The following NOS1 variants were observed in gnomAD, a reference collection of about 807,000 sequenced individuals.
The protein encoded by NOS1 is nitric oxide synthase 1, also known as NOS type I.
Under a neutral mutation model 164.5 loss-of-function variants are expected in NOS1, and 51 were observed. The ratio of observed to expected loss-of-function variants is 0.31; its 90% CI spans 0.25 to 0.39. NOS1 has a LOEUF of 0.39. Ranked by LOEUF, NOS1 falls within the 10% of genes least tolerant of loss-of-function variation. The pLI is 1.00. For missense variants in NOS1, 1,362 were observed against 1,885.6 expected, an observed-to-expected ratio of 0.72 and a Z score of 5.14; for synonymous variants, 719 against 745.8, an observed-to-expected ratio of 0.96 and a Z score of 0.59.
At chr12:117,237,266 G>C (rs531724782) in intron 20 of NOS1, among the ~76,000 whole-genome samples, 66 of 152,064 alleles carry the variant, frequency 4.3e-4, no homozygotes, top group African/African-American at 1.6e-3. Flanking sequence ...CGAGTAGCTG[G>C]GATTACAGTA....
Position 117,215,025 on chromosome 12 carries a change from A to G in NOS1, c.*284T>C. 22 of 1,179,194 alleles carry G rather than the reference A, an allele frequency of 1.9e-5. No homozygotes were observed. Among genetic ancestry groups the G allele is most frequent in the Non-Finnish European group, 2.3e-5 (22 of 954,824 alleles). 73.0% of individuals were successfully genotyped at this position (1,179,194 alleles called of 1,614,324 possible). Reference sequence around the variant, plus strand: ...GCGACGGCCATGTTCCAGTGGTTTCATGCACCCGTGAGTTGCCCTTGTCGG... The same window carrying G: ...GCGACGGCCATGTTCCAGTGGTTTCGTGCACCCGTGAGTTGCCCTTGTCGG... On this transcript the variant is annotated 3_prime_UTR_variant, in exon 29 of 29. Coordinates refer to ENST00000317775, the MANE Select transcript of NOS1 (RefSeq NM_000620.5).
chr12:117,259,700 A>T (rs1019588516), intron 14 of NOS1, among the ~76,000 whole-genome samples: 1 of 152,244 alleles, frequency 6.6e-6, no homozygotes, highest in African/African-American at 2.4e-5. Context: ...GAGATGCTCC[A>T]TGAAAACAAG....
At chr12:117,291,697 C>A (rs967222550) in intron 3 of NOS1, among the ~76,000 whole-genome samples, 2 of 152,032 alleles carry the variant, frequency 1.3e-5, no homozygotes, top group African/African-American at 4.8e-5. Flanking sequence ...CCATGCCCAG[C>A]TAATTTCTTA....
chr12:117,311,600 G>A lies in NOS1; in HGVS notation c.726-8C>T, dbSNP rs972132382. On this transcript the variant is annotated splice_region_variant and splice_polypyrimidine_tract_variant and intron_variant, in intron 2 of 28. Coordinates refer to ENST00000317775, the MANE Select transcript of NOS1 (RefSeq NM_000620.5). ...GACTTGCCGTCCAAATCTCTGAAAG[G>A]CAAGGTGGGGCAGGTGAGGAAGGGG... 6.2e-7 allele frequency: 1 copy of A among 1,607,768 alleles called. No individual in the cohort carries two copies. The highest frequency in any genetic ancestry group is 8.5e-7 in the Non-Finnish European group (1 of 1,176,618).
In NOS1 at chr12:117,322,873, T is replaced by G. The variant is rs894342565; in HGVS notation, c.725+7472A>C. Among the ~76,000 whole-genome samples the G allele has an allele frequency of 1.1e-4, 14 of 132,708 alleles. No individual in the cohort carries two copies. In the East Asian group the frequency reaches 2.4e-3, roughly 23 times the overall value. The allele number at this position is 132,708 out of a possible 152,430, so 87.1% of individuals were successfully genotyped here. A position where few individuals can be genotyped will look rare whatever the true frequency, so the allele number is the denominator to read the frequency against. ...TCCTTACTCCCTCCCTCCCTCCTTC[T>G]TTCATGCATTCTTCCTTGCCTCCCT... On this transcript the variant is annotated intron_variant, in intron 2 of 28. Transcript: ENST00000317775.
Position 117,265,495 on chromosome 12 carries a change from T to C in NOS1, c.1957A>G (p.Ile653Val), listed in dbSNP as rs746788225. Residue 653 changes from isoleucine (I) to valine (V), a missense_variant, in exon 12 of 29, where the codon ATT becomes GTT. Physicochemically the swap from Ile to Val is conservative, Grantham distance 29 (BLOSUM62 3). This residue lies in a region of NOS1 where 737 missense variants were observed against 1,030.3 expected (regional missense o/e 0.72). Coordinates refer to ENST00000317775, the MANE Select transcript of NOS1 (RefSeq NM_000620.5). ...LYSFQSDKVT[I>V]VDHHSATESF... Reference sequence around the variant, plus strand: ...TCGGTGGCGGAGTGATGGTCAACAATGGTCACTTTGTCACTCTGTGGGAGG... The same window carrying C: ...TCGGTGGCGGAGTGATGGTCAACAACGGTCACTTTGTCACTCTGTGGGAGG... The C allele has an allele frequency of 5.2e-6, 8 of 1,552,790 alleles. No homozygotes were observed. In the East Asian group the frequency reaches 1.4e-4, roughly 27 times the overall value.
At chr12:117,344,404 T>C (rs946432076) in intron 1 of NOS1, among the ~76,000 whole-genome samples, 4 of 152,252 alleles carry the variant, frequency 2.6e-5, no homozygotes, top group Non-Finnish European at 4.4e-5. Flanking sequence ...TTCAACTTAA[T>C]ATTTTGAGCA....
At chr12:117,220,009 A>T in intron 27 of NOS1, 66 bp downstream of exon 27, 1 of 1,470,038 alleles carries the variant, frequency 6.8e-7, no homozygotes, top group Non-Finnish European at 9.2e-7. Flanking sequence ...GACAGGTTGG[A>T]TGAAAAAGGG....
rs775978271 is a variant in NOS1 at position 117,340,871 on chromosome 12, C to CTTTTTTTTTTTTT, written c.-420-9383_-420-9382insAAAAAAAAAAAAA. On this transcript the variant is annotated intron_variant, in intron 1 of 28. Transcript: ENST00000317775. ...CCTGAGTAGCTGATATCACACCTGGCTATTTTTTTTTTTTTTTTTTTTTTT... is the reference window on the plus strand; with the variant it reads ...CCTGAGTAGCTGATATCACACCTGGCTTTTTTTTTTTTTTATTTTTTTTTTTTTTTTTTTTTTT... Among the ~76,000 whole-genome samples the CTTTTTTTTTTTTT allele has an allele frequency of 8.1e-4, 78 of 96,402 alleles. 1 individual carries two copies. The highest frequency in any genetic ancestry group is 1.8e-3 in the Admixed American group (17 of 9,234). The allele number at this position is 96,402 out of a possible 152,430, so 63.2% of individuals were successfully genotyped here. A position where few individuals can be genotyped will look rare whatever the true frequency, so the allele number is the denominator to read the frequency against.
rs1036336020 is a variant in NOS1 at position 117,243,971 on chromosome 12, C to T, written c.2824-536G>A. 2.0e-5 allele frequency among the ~76,000 whole-genome samples: 3 copies of T among 152,336 alleles called. No individual in the cohort carries two copies. The highest frequency in any genetic ancestry group is 3.4e-3 in the Middle Eastern group (1 of 294). On this transcript the variant is annotated intron_variant, in intron 18 of 28. Coordinates refer to ENST00000317775, the MANE Select transcript of NOS1 (RefSeq NM_000620.5). This position sits in a 1 kb window ranked among gnomAD's most constrained non-coding sequence, Gnocchi z 4.3. The stretch of plus-strand genomic sequence containing the variant: ...TTGAGTGTCTGCGATGTGCTGGACA[C>T]GTCGGATTTGACATTGACTTTAGGA...
intron 1 of NOS1, among the ~76,000 whole-genome samples, chr12:117,354,961 T>A (rs1876792477): frequency 6.6e-6 from 1 of 152,246 alleles, no homozygotes; most frequent in African/African-American, 2.4e-5. Flanking sequence ...GAATTCACAA[T>A]ATTCCTTCTT....
At position 117,258,463 on chromosome 12, in the gene NOS1, C is replaced by T. The variant is rs766774641; in HGVS notation, c.2473-8G>A. 1 of 1,613,842 alleles carries T rather than the reference C, an allele frequency of 6.2e-7. No individual in the cohort carries two copies. The highest frequency in any genetic ancestry group is 8.5e-7 in the Non-Finnish European group (1 of 1,179,902). The stretch of plus-strand genomic sequence containing the variant: ...CAAAGCACAGCCGAATTTCTGGAAG[C>T]CAAAACATATGGGTGAAATTAGCAC... On this transcript the variant is annotated splice_region_variant and splice_polypyrimidine_tract_variant and intron_variant, in intron 15 of 28. Transcript: ENST00000317775.
chr12:117,326,284 G>C (rs772452085), intron 2 of NOS1, among the ~76,000 whole-genome samples: 2 of 152,034 alleles, frequency 1.3e-5, no homozygotes, highest in Non-Finnish European at 2.9e-5. Flanking sequence ...TACTCGGGAG[G>C]CTGAGGCAGG....
chr12:117,254,273 A>G (rs1321514229), intron 16 of NOS1, among the ~76,000 whole-genome samples: 1 of 151,962 alleles, frequency 6.6e-6, no homozygotes, highest in Non-Finnish European at 1.5e-5. Flanking sequence ...ATGCTCAGCT[A>G]ATTTTGCATT....
intron 17 of NOS1, among the ~76,000 whole-genome samples, chr12:117,250,328 T>C (rs990776095): frequency 1.1e-5 from 1 of 88,904 alleles, no homozygotes; most frequent in South Asian, 3.3e-4. Flanking sequence ...TGCCATTTAC[T>C]TTTTTTTTTT....
chr12:117,304,645 G>A (rs534756280), intron 3 of NOS1, among the ~76,000 whole-genome samples: 5 of 152,294 alleles, frequency 3.3e-5, no homozygotes, highest in South Asian at 4.2e-4. Flanking sequence ...GCAAGGGGGT[G>A]GTGAAGATGA....
chr12:117,214,565 A>C lies in NOS1; in HGVS notation c.*744T>G. The C allele has an allele frequency of 2.0e-6, 2 of 985,370 alleles. No individual in the cohort carries two copies. Among genetic ancestry groups the C allele is most frequent in the South Asian group, 9.4e-5 (2 of 21,274 alleles). The allele number at this position is 985,370 out of a possible 1,614,324, so 61.0% of individuals were successfully genotyped here. A position where few individuals can be genotyped will look rare whatever the true frequency, so the allele number is the denominator to read the frequency against. On this transcript the variant is annotated 3_prime_UTR_variant, in exon 29 of 29. Coordinates refer to ENST00000317775, the MANE Select transcript of NOS1 (RefSeq NM_000620.5). ...CTGGTATCAAAATCTAAATGCAGCA[A>C]ATTCTGGGAATGCCTCTTTCATTGG... is the stretch of plus-strand genomic sequence containing the variant.
intron 1 of NOS1, among the ~76,000 whole-genome samples, chr12:117,357,987 G>A (rs1180661899): frequency 6.6e-6 from 1 of 152,116 alleles, no homozygotes; most frequent in East Asian, 1.9e-4. Flanking sequence ...GTTTCTAATG[G>A]GAAAAAGCCC....
At chr12:117,308,225 T>C (rs1874249048) in intron 3 of NOS1, among the ~76,000 whole-genome samples, 1 of 151,320 alleles carries the variant, frequency 6.6e-6, no homozygotes, top group African/African-American at 2.4e-5. Flanking sequence ...CATAAGAATA[T>C]GGTTGGCTGC....
Sources: allele counts gnomAD v4.1 joint callset (sites outside exome capture counted in the v4.1 genomes callset), GRCh38; gene constraint gnomAD v4.1.1; regional missense constraint gnomAD v4.1.1; non-coding constraint Gnocchi (gnomAD v3.1); transcripts MANE v1.5; gene names NCBI Gene and HGNC (gene_info 2026-07-23, HGNC 2026-07-21).